ST6GALNAC5: variants seen among roughly 807,000 people sequenced by gnomAD.
ST6GALNAC5 encodes ST6 N-acetylgalactosaminide alpha-2,6-sialyltransferase 5.
A neutral mutation model predicts 33.6 loss-of-function variants in ST6GALNAC5; 27 were observed. The observed-to-expected ratio is 0.80, with a 90% CI of 0.59 to 1.11. The LOEUF (loss-of-function observed/expected upper bound fraction) is 1.11. Among genes scored for constraint, ST6GALNAC5 ranks in the 50% least tolerant of loss-of-function variants. ST6GALNAC5 has a pLI of 0.00. For missense variants in ST6GALNAC5, 428 were observed against 454.0 expected (o/e 0.94, Z 0.52); for synonymous variants, 194 against 171.2 (o/e 1.13, Z -1.04).
chr1:76,873,886 G>A (rs2100913147), intron 2 of ST6GALNAC5, among the ~76,000 whole-genome samples: 1 of 152,330 alleles, frequency 6.6e-6, no homozygotes, highest in East Asian at 1.9e-4. Flanking sequence ...AGGCCTAGTA[G>A]TTTCAAAATT....
At chr1:76,908,563 C>G (rs150044619) in intron 2 of ST6GALNAC5, among the ~76,000 whole-genome samples, 2,048 of 152,268 alleles carry the variant, frequency 0.013, 48 homozygotes, top group African/African-American at 0.046. Flanking sequence ...CTCCAGATCA[C>G]AAGGCTCTTA....
At chr1:76,944,338 T>A (rs867061534) in intron 2 of ST6GALNAC5, among the ~76,000 whole-genome samples, 23 of 152,260 alleles carry the variant, frequency 1.5e-4, no homozygotes, top group Middle Eastern at 6.8e-3. Context: ...ATATTCATTA[T>A]GATACAGCAT....
chr1:76,882,947 G>A (rs1024041008), intron 2 of ST6GALNAC5, among the ~76,000 whole-genome samples: 8 of 152,078 alleles, frequency 5.3e-5, no homozygotes, highest in African/African-American at 1.7e-4. Flanking sequence ...TAGGCACCAC[G>A]CACCCAGGCA....
chr1:77,000,372 T>C (rs1390777850), intron 2 of ST6GALNAC5, among the ~76,000 whole-genome samples: 2 of 127,702 alleles, frequency 1.6e-5, no homozygotes, highest in Non-Finnish European at 3.6e-5. Context: ...TTTGAGTTCA[T>C]TGTAGATTCT....
At chr1:77,050,201 G>A (rs530355713) in intron 3 of ST6GALNAC5, 57 bp from the exon 4 acceptor site, 169 of 1,402,658 alleles carry the variant, frequency 1.2e-4, no homozygotes, top group Non-Finnish European at 1.6e-4. Flanking sequence ...ATTAAAGATG[G>A]TAGTGGGTAT....
intron 2 of ST6GALNAC5, among the ~76,000 whole-genome samples, chr1:77,026,461 C>T (rs867814266): frequency 4.6e-5 from 7 of 152,092 alleles, no homozygotes; most frequent in Non-Finnish European, 7.4e-5. Context: ...ATCTCAGGGG[C>T]GTAATTCCAG....
intron 2 of ST6GALNAC5, among the ~76,000 whole-genome samples, chr1:77,025,518 GA>G (rs112139091): frequency 7.6e-4 from 108 of 142,636 alleles, no homozygotes; most frequent in Middle Eastern, 3.5e-3. Context: ...AGACTGTCTT[GA>G]AAAAAAAAAA....
chr1:76,978,853 G>A (rs1649131096), intron 2 of ST6GALNAC5, among the ~76,000 whole-genome samples: 1 of 152,116 alleles, frequency 6.6e-6, no homozygotes, highest in East Asian at 1.9e-4. Context: ...GGTTGCAGAT[G>A]ACATGGTCAT....
chr1:77,037,447 A>G (rs1651686510), intron 2 of ST6GALNAC5, among the ~76,000 whole-genome samples: 1 of 152,146 alleles, frequency 6.6e-6, no homozygotes, highest in Non-Finnish European at 1.5e-5. Flanking sequence ...ATTGAGTACT[A>G]TCCTCACTAC....
intron 2 of ST6GALNAC5, among the ~76,000 whole-genome samples, chr1:76,923,241 C>CA (rs35184833): frequency 0.038 from 5,451 of 143,902 alleles, 346 homozygotes; most frequent in African/African-American, 0.13. Context: ...CTAATTATTG[C>CA]AAAAAAAATT....
intron 2 of ST6GALNAC5, among the ~76,000 whole-genome samples, chr1:76,973,192 A>T (rs1275433603): frequency 1.3e-5 from 2 of 152,016 alleles, no homozygotes; most frequent in Non-Finnish European, 2.9e-5. Flanking sequence ...TAATTCCTAC[A>T]GTGTTTGTCA....
intron 2 of ST6GALNAC5, among the ~76,000 whole-genome samples, chr1:76,974,811 T>G (rs1351956580): frequency 8.0e-6 from 1 of 125,328 alleles, no homozygotes; most frequent in Non-Finnish European, 1.7e-5. Context: ...AGGCAGAGTT[T>G]TGCTCTTGTT....
intron 2 of ST6GALNAC5, among the ~76,000 whole-genome samples, chr1:76,987,227 TA>T (rs1446579742): frequency 2.0e-5 from 3 of 151,960 alleles, no homozygotes; most frequent in African/African-American, 7.2e-5. Context: ...AAAAAGTAGC[TA>T]TTACAATTCA....
chr1:76,887,729 C>T (rs563095186), intron 2 of ST6GALNAC5, among the ~76,000 whole-genome samples: 1 of 152,280 alleles, frequency 6.6e-6, no homozygotes, highest in African/African-American at 2.4e-5. Flanking sequence ...ATTAAATCCT[C>T]ATTAAATATA....
In ST6GALNAC5 at chr1:77,066,703, C is replaced by T. The variant is rs192427347; in HGVS notation, c.*3497C>T. Among the ~76,000 whole-genome samples, 7 of 152,314 alleles carry T rather than the reference C, an allele frequency of 4.6e-5. No individual in the cohort carries two copies. The East Asian group carries it at 1.3e-3, about 29-fold the overall frequency. ...GGTCCATGTTCCTATTCTCTCTCTG[C>T]AGTGTTGGGAGGTGATGTTAACACT... On this transcript the variant is annotated 3_prime_UTR_variant, in exon 5 of 5. Transcript: ENST00000477717.
intron 2 of ST6GALNAC5, among the ~76,000 whole-genome samples, chr1:77,007,542 G>A (rs1456890778): frequency 6.6e-6 from 1 of 152,194 alleles, no homozygotes; most frequent in Non-Finnish European, 1.5e-5. Flanking sequence ...TATTCAGGAG[G>A]TTTTGTGGTT....
chr1:76,976,121 A>T (rs1476221310), intron 2 of ST6GALNAC5, among the ~76,000 whole-genome samples: 1 of 152,150 alleles, frequency 6.6e-6, no homozygotes, highest in Non-Finnish European at 1.5e-5. Flanking sequence ...AAATAAAAAA[A>T]TTAAAGAAGA....
chr1:76,962,504 TA>T (rs1648279069), intron 2 of ST6GALNAC5, among the ~76,000 whole-genome samples: 1 of 152,204 alleles, frequency 6.6e-6, no homozygotes. Context: ...ATGCAGATCC[TA>T]AAGTGCAGAT....
At chr1:76,896,586 G>A (rs1272332320) in intron 2 of ST6GALNAC5, among the ~76,000 whole-genome samples, 4 of 152,008 alleles carry the variant, frequency 2.6e-5, no homozygotes. Context: ...AGGAAACATG[G>A]GGAAATGAGG....
Sources: allele counts gnomAD v4.1 joint callset (sites outside exome capture counted in the v4.1 genomes callset), GRCh38; gene constraint gnomAD v4.1.1; transcripts MANE v1.5; gene names NCBI Gene and HGNC (gene_info 2026-07-23, HGNC 2026-07-21).